Variants in ZDHHC14 observed in about 807,000 individuals in gnomAD.
The protein encoded by ZDHHC14 is zDHHC palmitoyltransferase 14.
ZDHHC14 carries 16 observed loss-of-function variants against 47.7 expected under a neutral mutation model. That is an observed-to-expected ratio of 0.34 (90% CI 0.23 to 0.51). The LOEUF is 0.51. Ranked by LOEUF, ZDHHC14 falls within the 20% of genes least tolerant of loss-of-function variation. The pLI is 0.97. For missense variants in ZDHHC14, 515 were observed against 662.5 expected (o/e 0.78, Z 2.44); for synonymous variants, 293 against 278.9 (o/e 1.05, Z -0.50).
Position 157,451,519 on chromosome 6 carries a change from T to C in ZDHHC14, c.245+69253T>C, listed in dbSNP as rs143515447. ...GTAACCATCCACTAATAAATGAGTA[T>C]ATGAATTAATGAAATAATCAATTGC... On this transcript the variant is annotated intron_variant, in intron 1 of 8. Transcript: ENST00000359775. 8.5e-5 allele frequency among the ~76,000 whole-genome samples: 13 copies of C among 152,366 alleles called. 1 individual carries two copies. The highest frequency in any genetic ancestry group is 8.5e-4 in the Admixed American group (13 of 15,312).
chr6:157,415,525 A>G (rs1777955725), intron 1 of ZDHHC14, among the ~76,000 whole-genome samples: 1 of 152,232 alleles, frequency 6.6e-6, no homozygotes, highest in Non-Finnish European at 1.5e-5. Context: ...ACTTGTCAGA[A>G]ATAAGATGAT....
At chr6:157,603,848 T>C (rs1266016730) in intron 3 of ZDHHC14, among the ~76,000 whole-genome samples, 2 of 152,176 alleles carry the variant, frequency 1.3e-5, no homozygotes, top group Non-Finnish European at 2.9e-5. Context: ...TTACAACCTC[T>C]GCCTGTGGCG....
intron 2 of ZDHHC14, among the ~76,000 whole-genome samples, chr6:157,587,121 A>G (rs1783725901): frequency 6.6e-6 from 1 of 152,240 alleles, no homozygotes; most frequent in African/African-American, 2.4e-5. Context: ...TGAAATTAAC[A>G]CAAATGTTTG....
chr6:157,590,809 G>A (rs935149122), intron 2 of ZDHHC14, among the ~76,000 whole-genome samples: 1 of 152,196 alleles, frequency 6.6e-6, no homozygotes, highest in Admixed American at 6.5e-5. Flanking sequence ...GCCCAGAAAC[G>A]CTGAAGACAT....
At chr6:157,550,654 C>T (rs559130353) in intron 2 of ZDHHC14, among the ~76,000 whole-genome samples, 65 of 152,310 alleles carry the variant, frequency 4.3e-4, no homozygotes, top group African/African-American at 1.4e-3. Flanking sequence ...GGGATTCTAG[C>T]GACCACAGTG....
chr6:157,627,037 C>T (rs1785460712), intron 3 of ZDHHC14, among the ~76,000 whole-genome samples: 1 of 152,184 alleles, frequency 6.6e-6, no homozygotes, highest in Non-Finnish European at 1.5e-5. Context: ...TCCTCAAGTC[C>T]TCTGCTCAGA....
chr6:157,572,629 T>C (rs1783144175), intron 2 of ZDHHC14, among the ~76,000 whole-genome samples: 1 of 147,522 alleles, frequency 6.8e-6, no homozygotes, highest in South Asian at 2.3e-4. Flanking sequence ...TATCTCCTAA[T>C]GCTATCCCTC....
chr6:157,587,833 G>C (rs1412053033), intron 2 of ZDHHC14, among the ~76,000 whole-genome samples: 4 of 152,174 alleles, frequency 2.6e-5, no homozygotes, highest in Non-Finnish European at 4.4e-5. Flanking sequence ...ATTTAAAGAA[G>C]ACCAAGGCTG....
intron 1 of ZDHHC14, among the ~76,000 whole-genome samples, chr6:157,409,847 G>C (rs988801048): frequency 6.6e-6 from 1 of 151,482 alleles, no homozygotes; most frequent in Admixed American, 6.6e-5. Context: ...TTTGGGGGGG[G>C]GGACAGAGTC....
At chr6:157,660,361 T>G (rs1353521566) in intron 8 of ZDHHC14, among the ~76,000 whole-genome samples, 1 of 151,916 alleles carries the variant, frequency 6.6e-6, no homozygotes, top group East Asian at 1.9e-4. Flanking sequence ...TCAGGCTAAT[T>G]TTTGTATTTT....
chr6:157,525,962 A>C (rs1277284393), intron 1 of ZDHHC14, among the ~76,000 whole-genome samples: 2 of 152,192 alleles, frequency 1.3e-5, no homozygotes, highest in Admixed American at 1.3e-4. Flanking sequence ...TTCTGCCTGA[A>C]TTATTCTCTG....
intron 1 of ZDHHC14, among the ~76,000 whole-genome samples, chr6:157,484,731 T>TA (rs994148210): frequency 1.3e-5 from 2 of 151,814 alleles, no homozygotes; most frequent in Admixed American, 6.6e-5. Flanking sequence ...AAGTTTTTCT[T>TA]AAAAAAATAA....
chr6:157,388,350 G>T (rs1330276003), intron 1 of ZDHHC14, among the ~76,000 whole-genome samples: 7 of 152,056 alleles, frequency 4.6e-5, no homozygotes, highest in African/African-American at 1.7e-4. Context: ...GATAGTGATG[G>T]TTAATTATTT....
At chr6:157,406,264 A>G (rs917190724) in intron 1 of ZDHHC14, among the ~76,000 whole-genome samples, 5 of 152,136 alleles carry the variant, frequency 3.3e-5, no homozygotes, top group African/African-American at 1.2e-4. Context: ...GGAGGGAGAA[A>G]GAAGGTTGAA....
At chr6:157,541,778 T>C (rs1582910976) in intron 1 of ZDHHC14, among the ~76,000 whole-genome samples, 2 of 126,970 alleles carry the variant, frequency 1.6e-5, no homozygotes, top group South Asian at 5.2e-4. Context: ...CAGACACTGG[T>C]TCCCAGGCTG....
chr6:157,559,324 G>A (rs1782613070), intron 2 of ZDHHC14, among the ~76,000 whole-genome samples: 1 of 152,246 alleles, frequency 6.6e-6, no homozygotes, highest in Non-Finnish European at 1.5e-5. Flanking sequence ...AGCTGATGTG[G>A]CAACAGTCGG....
intron 2 of ZDHHC14, among the ~76,000 whole-genome samples, chr6:157,562,296 C>T (rs1007949608): frequency 3.9e-5 from 6 of 152,170 alleles, no homozygotes; most frequent in Non-Finnish European, 8.8e-5. Context: ...CCAGGGATGC[C>T]CAACTGGGGT....
intron 1 of ZDHHC14, among the ~76,000 whole-genome samples, chr6:157,417,859 C>T (rs1562417262): frequency 6.6e-6 from 1 of 150,798 alleles, no homozygotes; most frequent in Admixed American, 6.7e-5. Context: ...GAGGCTGAGG[C>T]AGGAGAATGG....
intron 1 of ZDHHC14, among the ~76,000 whole-genome samples, chr6:157,426,552 G>A (rs961295884): frequency 3.9e-5 from 6 of 152,116 alleles, no homozygotes; most frequent in African/African-American, 1.2e-4. Flanking sequence ...GCACCAGCTC[G>A]CAGGATGTGT....
Sources: allele counts gnomAD v4.1 joint callset (sites outside exome capture counted in the v4.1 genomes callset), GRCh38; gene constraint gnomAD v4.1.1; transcripts MANE v1.5; gene names NCBI Gene and HGNC (gene_info 2026-07-23, HGNC 2026-07-21).